Variants in EXOSC1 observed in about 807,000 individuals in gnomAD.
EXOSC1 encodes exosome component 1.
EXOSC1 carries 27 observed loss-of-function variants against 31.4 expected under a neutral mutation model. The ratio of observed to expected loss-of-function variants is 0.86; its 90% CI spans 0.63 to 1.18. The LOEUF (loss-of-function observed/expected upper bound fraction) is 1.18. EXOSC1 is among the 50% of genes most tolerant of loss of function. The probability of loss-of-function intolerance (pLI) is 0.00; values close to 1 mark genes in which losing one functional copy is unlikely to be tolerated. For synonymous variants in EXOSC1, 84 were observed against 89.5 expected (o/e 0.94, Z 0.35); for missense variants, 228 against 250.3 (o/e 0.91, Z 0.60).
At chr10:97,437,403 T>G (rs1484654096) in intron 6 of EXOSC1, 128 bp from the exon 7 acceptor site, 1 of 707,954 alleles carries the variant, frequency 1.4e-6, no homozygotes, top group African/African-American at 1.8e-5. Context: ...CAGGCTGGAG[T>G]GCGGTGGCGT....
chr10:97,445,158 G>A (rs372470311), intron 2 of EXOSC1: 1 of 152,370 alleles, frequency 6.6e-6, no homozygotes, highest in Non-Finnish European at 1.5e-5. Flanking sequence ...CTTCTCTGAG[G>A]TGATAGTAGA....
intron 3 of EXOSC1, 152 bp from the exon 4 acceptor site, chr10:97,441,411 G>C: frequency 1.9e-6 from 1 of 523,618 alleles, no homozygotes; most frequent in East Asian, 3.6e-5. Context: ...CTCTGCGTAA[G>C]TGACACATGT....
chr10:97,444,570 A>G (rs542094567), intron 2 of EXOSC1: 2 of 152,328 alleles, frequency 1.3e-5, no homozygotes, highest in Admixed American at 1.3e-4. Context: ...TGCTCATTTG[A>G]GCATTTATTT....
chr10:97,445,774 C>CAAA lies in EXOSC1; in HGVS notation c.104_105insTTT (p.Ser35_Ser36insLeu). ...TCTTCATCAGACAGCCGGCAAGCGA[C>CAAA]GAAAAGATGTAGCCGTGGCGGGTGT... On this transcript the variant is annotated inframe_insertion, in exon 2 of 8. Transcript: ENST00000370902. 6.2e-7 allele frequency: 1 copy of CAAA among 1,613,908 alleles called. No homozygotes were observed. The highest frequency in any genetic ancestry group is 8.5e-7 in the Non-Finnish European group (1 of 1,179,800).
At chr10:97,442,050 G>A (rs577506172) in intron 3 of EXOSC1, among the ~76,000 whole-genome samples, 227 of 151,634 alleles carry the variant, frequency 1.5e-3, no homozygotes, top group Non-Finnish European at 2.9e-3. Flanking sequence ...GGCAGCACAT[G>A]CCTATAATCC....
Position 97,445,771 on chromosome 10 carries a change from C to A in EXOSC1, c.108G>T (p.Ser36=). 1 of 1,613,846 alleles carries A rather than the reference C, an allele frequency of 6.2e-7. No individual in the cohort carries two copies. ...TYTRHGYIFS[S]LAGCLMKSSE... The stretch of plus-strand genomic sequence containing the variant: ...TGCTCTTCATCAGACAGCCGGCAAG[C>A]GACGAAAAGATGTAGCCGTGGCGGG... The change falls in exon 2 of 8, where the codon TCG becomes TCT. Residue 36 remains serine (S), a synonymous_variant. Transcript: ENST00000370902.
chr10:97,441,615 TG>T (rs1363149088), intron 3 of EXOSC1, among the ~76,000 whole-genome samples: 1 of 150,706 alleles, frequency 6.6e-6, no homozygotes, highest in Admixed American at 6.7e-5. Flanking sequence ...CTTAGCCTCC[TG>T]AATAGCTGGG....
rs770085926 is a variant in EXOSC1, at chr10:97,445,824, C to T, written c.55G>A (p.Glu19Lys). ...TAGGTGCCGCTGCCCGGGCTGCCCTCCTCCAAGTTACACAGACGTTCGCCT... is the reference window on the plus strand; with the variant it reads ...TAGGTGCCGCTGCCCGGGCTGCCCTTCTCCAAGTTACACAGACGTTCGCCT... ...IPGERLCNLE[E>K]GSPGSGTYTR... The change falls in exon 2 of 8, where the codon GAG becomes AAG. Residue 19 changes from glutamate to lysine, a missense_variant. By Grantham distance (56) the Glu-to-Lys change is moderately conservative (BLOSUM62 1). Coordinates refer to ENST00000370902, the MANE Select transcript of EXOSC1 (RefSeq NM_016046.5). 3.1e-6 allele frequency: 5 copies of T among 1,613,912 alleles called. No homozygotes were observed. In the South Asian group the frequency reaches 4.4e-5, roughly 14 times the overall value.
At chr10:97,438,587 G>T in intron 5 of EXOSC1, 83 bp downstream of exon 5, 1 of 1,300,426 alleles carries the variant, frequency 7.7e-7, no homozygotes, top group Non-Finnish European at 1.1e-6. Context: ...TTACGGGTGT[G>T]TGTGACCATG....
intron 4 of EXOSC1, among the ~76,000 whole-genome samples, chr10:97,440,556 T>TC: frequency 6.6e-6 from 1 of 150,646 alleles, no homozygotes; most frequent in East Asian, 2.0e-4. Context: ...TCTCGCTCTG[T>TC]CCCCCAGGCT....
chr10:97,442,827 T>C (rs1050253857), intron 3 of EXOSC1, among the ~76,000 whole-genome samples: 27 of 152,178 alleles, frequency 1.8e-4, no homozygotes, highest in African/African-American at 5.5e-4. Flanking sequence ...ATTACAGGCA[T>C]GCACCACCAC....
intron 2 of EXOSC1, chr10:97,445,421 G>A: frequency 2.8e-6 from 1 of 355,814 alleles, no homozygotes; most frequent in Non-Finnish European, 5.2e-6. Context: ...AAGTCGGAAA[G>A]GTAAGCAACA....
intron 4 of EXOSC1, among the ~76,000 whole-genome samples, chr10:97,439,257 A>C (rs1451815121): frequency 6.6e-6 from 1 of 152,216 alleles, no homozygotes; most frequent in East Asian, 1.9e-4. Flanking sequence ...TCGTTGCCTC[A>C]GGGCTTGAAC....
At position 97,445,993 on chromosome 10, in the gene EXOSC1, G is replaced by A. The variant is rs147532741; in HGVS notation, c.-8C>T. ...TCTCACAGGTGGCGCCATGATTGCC[G>A]CTGTCCCAAAACCAGGATGAAAACG... On this transcript the variant is annotated 5_prime_UTR_variant, in exon 1 of 8. Coordinates refer to ENST00000370902, the MANE Select transcript of EXOSC1 (RefSeq NM_016046.5). 5.0e-6 allele frequency: 8 copies of A among 1,614,214 alleles called. No individual in the cohort carries two copies. Among genetic ancestry groups the A allele is most frequent in the African/African-American group, 1.3e-5 (1 of 75,054 alleles).
At chr10:97,442,682 ATTC>A (rs942902057) in intron 3 of EXOSC1, among the ~76,000 whole-genome samples, 20 of 151,492 alleles carry the variant, frequency 1.3e-4, no homozygotes, top group South Asian at 6.3e-4. Flanking sequence ...CTAATTTTTT[ATTC>A]TTCTTCTTCT....
Position 97,437,264 on chromosome 10 carries a change from A to G in EXOSC1, c.408T>C (p.Gly136=), listed in dbSNP as rs754445779. 1 of 1,613,798 alleles carries G rather than the reference A, an allele frequency of 6.2e-7. No individual in the cohort carries two copies. The highest frequency in any genetic ancestry group is 8.5e-7 in the Non-Finnish European group (1 of 1,179,900). Residue 136 remains glycine, a synonymous_variant, in exon 7 of 8, where the codon GGT becomes GGC. Coordinates refer to ENST00000370902, the MANE Select transcript of EXOSC1 (RefSeq NM_016046.5). ...TTAGCAGGTAGTTGGACTGTGCATC[A>G]CCTAAGGAGATCTAGTCACATAACA... ...DIVLAKVISL[G]DAQSNYLLTT...
chr10:97,437,213 C>G lies in EXOSC1; in HGVS notation c.459G>C (p.Val153=). 1.2e-6 allele frequency: 2 copies of G among 1,614,114 alleles called. No individual in the cohort carries two copies. The highest frequency in any genetic ancestry group is 1.7e-6 in the Non-Finnish European group (2 of 1,180,002). The stretch of plus-strand genomic sequence containing the variant: ...CACCTGACTCACTGTGGGCTACCAC[C>G]ACTCCCAGCTCGTTCTCGGCGGTGG... ...LLTTAENELG[V]VVAHSESGIQ... Residue 153 remains valine, a synonymous_variant, in exon 7 of 8, where the codon GTG becomes GTC. Coordinates refer to ENST00000370902, the MANE Select transcript of EXOSC1 (RefSeq NM_016046.5).
intron 3 of EXOSC1, among the ~76,000 whole-genome samples, chr10:97,441,874 T>TAAA (rs1006887767): frequency 5.7e-5 from 6 of 105,860 alleles, no homozygotes; most frequent in Non-Finnish European, 9.5e-5. Context: ...GGCTAACAAT[T>TAAA]AAAAAAAAAA....
At position 97,436,374 on chromosome 10, in the gene EXOSC1, T is replaced by G; in HGVS notation, c.*71A>C. 8.4e-7 allele frequency: 1 copy of G among 1,192,618 alleles called. No homozygotes were observed. Among genetic ancestry groups the G allele is most frequent in the Non-Finnish European group, 1.2e-6 (1 of 811,586 alleles). 73.9% of individuals were successfully genotyped at this position (1,192,618 alleles called of 1,614,324 possible). A position where few individuals can be genotyped will look rare whatever the true frequency, so the allele number is the denominator to read the frequency against. ...TGTTGGCCGACGCCAGGTGTTTGAA[T>G]AAAGACAGCAGCATCTTGGTGTTAT... On this transcript the variant is annotated 3_prime_UTR_variant, in exon 8 of 8. Transcript: ENST00000370902.
Sources: allele counts gnomAD v4.1 joint callset (sites outside exome capture counted in the v4.1 genomes callset), GRCh38; gene constraint gnomAD v4.1.1; transcripts MANE v1.5; gene names NCBI Gene and HGNC (gene_info 2026-07-23, HGNC 2026-07-21).